GPR107: variants seen among roughly 807,000 people sequenced by gnomAD.
GPR107 encodes the protein protein GPR107.
A neutral mutation model predicts 75.5 loss-of-function variants in GPR107; 31 were observed. The ratio of observed to expected loss-of-function variants is 0.41; its 90% CI spans 0.31 to 0.55. GPR107 has a LOEUF of 0.55. Among genes scored for constraint, GPR107 ranks in the 20% least tolerant of loss-of-function variants. The pLI is 0.26. For synonymous variants in GPR107, 267 were observed against 251.3 expected (o/e 1.06, Z -0.59); for missense variants, 572 against 665.7 (o/e 0.86, Z 1.55).
At chr9:130,113,203 C>T (rs190721085) in intron 14 of GPR107, among the ~76,000 whole-genome samples, 33 of 150,476 alleles carry the variant, frequency 2.2e-4, no homozygotes, top group Admixed American at 1.5e-3. Flanking sequence ...TTGTGTTTAT[C>T]CCTGTCAGCC....
intron 5 of GPR107, among the ~76,000 whole-genome samples, chr9:130,082,581 G>A (rs571905203): frequency 6.7e-6 from 1 of 148,388 alleles, no homozygotes; most frequent in South Asian, 2.1e-4. Context: ...CCAGGTTCAC[G>A]CCATTCTCCT....
intron 14 of GPR107, among the ~76,000 whole-genome samples, 184 bp from the exon 15 acceptor site, chr9:130,124,731 A>AT (rs974208827): frequency 1.3e-5 from 2 of 152,104 alleles, no homozygotes. Context: ...CTGCTCCCAC[A>AT]TTTTTTCCTG....
intron 5 of GPR107, among the ~76,000 whole-genome samples, chr9:130,080,272 A>G (rs991448195): frequency 1.3e-5 from 2 of 152,114 alleles, no homozygotes; most frequent in East Asian, 1.9e-4. Context: ...CAGAATTGCA[A>G]TTTCTGGTTC....
At chr9:130,129,911 A>G (rs988369315) in intron 17 of GPR107, 1 of 152,272 alleles carries the variant, frequency 6.6e-6, no homozygotes, top group African/African-American at 2.4e-5. Flanking sequence ...TGTACTCCAC[A>G]GTCGTAATGG....
intron 1 of GPR107, among the ~76,000 whole-genome samples, chr9:130,062,518 C>T (rs1220089880): frequency 6.6e-6 from 1 of 151,504 alleles, no homozygotes; most frequent in Non-Finnish European, 1.5e-5. Flanking sequence ...TATTAAATAC[C>T]TACTATGTGC....
chr9:130,075,716 C>G lies in GPR107; in HGVS notation c.222C>G (p.Leu74=). ...DGYMVVNVSS[L]SLNEPEDKDV... ...ACATGGTGGTGAATGTCAGTAGCCT[C>G]TCACTGAATGAGCCTGAAGACAAGG... The change falls in exon 2 of 18, where the codon CTC becomes CTG. Residue 74 remains leucine, a synonymous_variant. Transcript: ENST00000347136. 1.9e-6 allele frequency: 3 copies of G among 1,596,234 alleles called. No individual in the cohort carries two copies. Among genetic ancestry groups the G allele is most frequent in the Non-Finnish European group, 2.6e-6 (3 of 1,163,976 alleles).
chr9:130,126,991 G>C (rs1394414049), intron 15 of GPR107, among the ~76,000 whole-genome samples: 1 of 152,208 alleles, frequency 6.6e-6, no homozygotes, highest in African/African-American at 2.4e-5. Flanking sequence ...AAGGCATCCT[G>C]TCTTGCTAGA....
intron 1 of GPR107, among the ~76,000 whole-genome samples, chr9:130,056,732 T>G (rs1829799067): frequency 6.6e-6 from 1 of 151,724 alleles, no homozygotes; most frequent in Admixed American, 6.6e-5. Flanking sequence ...GAGACCATCC[T>G]GGCTAACAAG....
intron 5 of GPR107, among the ~76,000 whole-genome samples, chr9:130,082,972 G>A (rs1191640332): frequency 6.6e-6 from 1 of 152,142 alleles, no homozygotes; most frequent in Non-Finnish European, 1.5e-5. Context: ...CCAGGCTGGA[G>A]TGCAGTGGTA....
In GPR107 at chr9:130,138,660, C is replaced by T. The variant is rs1407118909; in HGVS notation, c.*3539C>T. 1.3e-5 allele frequency: 2 copies of T among 151,858 alleles called. No homozygotes were observed. The highest frequency in any genetic ancestry group is 2.1e-4 in the South Asian group (1 of 4,810). 9.4% of individuals were successfully genotyped at this position (151,858 alleles called of 1,614,324 possible). A position where few individuals can be genotyped will look rare whatever the true frequency, so the allele number is the denominator to read the frequency against. ...CTTTGGTGCATTGCAGCGTTTTCTC[C>T]CAGCAGCTGTGTGAAAGATGCATTT... On this transcript the variant is annotated 3_prime_UTR_variant, in exon 18 of 18. Transcript: ENST00000347136.
rs1448125956 is a variant in GPR107 at position 130,139,420 on chromosome 9, C to T, written c.*4299C>T. The T allele has an allele frequency of 6.6e-6, 1 of 152,168 alleles. No individual in the cohort carries two copies. Among genetic ancestry groups the T allele is most frequent in the East Asian group, 1.9e-4 (1 of 5,196 alleles). 9.4% of individuals were successfully genotyped at this position (152,168 alleles called of 1,614,324 possible). ...GGCAGGCTGAACATACTCCAGATTC[C>T]CCAGAGGCCACTTCTGTAGCCCAGC... On this transcript the variant is annotated 3_prime_UTR_variant, in exon 18 of 18. Transcript: ENST00000347136.
chr9:130,138,591 C>CT lies in GPR107; in HGVS notation c.*3471dup, dbSNP rs2132669236. ...TTCTCTGCCATCTTTCTCCCCGTGC[C>CT]TATTGATCCCACATAGGCTCATTCT... is the stretch of plus-strand genomic sequence containing the variant. On this transcript the variant is annotated 3_prime_UTR_variant, in exon 18 of 18. Coordinates refer to ENST00000347136, the MANE Select transcript of GPR107 (RefSeq NM_020960.5). The CT allele has an allele frequency of 6.6e-6, 1 of 151,616 alleles. No homozygotes were observed. The highest frequency in any genetic ancestry group is 6.6e-5 in the Admixed American group (1 of 15,194). The allele number at this position is 151,616 out of a possible 1,614,324, so 9.4% of individuals were successfully genotyped here. A position where few individuals can be genotyped will look rare whatever the true frequency, so the allele number is the denominator to read the frequency against.
At chr9:130,097,707 G>T (rs1279131812) in intron 9 of GPR107, among the ~76,000 whole-genome samples, 2 of 142,452 alleles carry the variant, frequency 1.4e-5, no homozygotes, top group Non-Finnish European at 3.0e-5. Context: ...TGTATTCTTT[G>T]GGTTTTTTTT....
chr9:130,090,462 A>G (rs1830706148), intron 7 of GPR107, among the ~76,000 whole-genome samples: 1 of 117,702 alleles, frequency 8.5e-6, no homozygotes, highest in Non-Finnish European at 1.7e-5. Flanking sequence ...AGATAACCAC[A>G]TCTTAGGTTA....
intron 14 of GPR107, among the ~76,000 whole-genome samples, chr9:130,120,096 G>T (rs985865182): frequency 6.6e-6 from 1 of 152,218 alleles, no homozygotes; most frequent in Non-Finnish European, 1.5e-5. Flanking sequence ...GCATGAGCCA[G>T]CCTGCTGGGT....
rs369377614 is a variant in GPR107, at chr9:130,072,121, A to G, written c.142-3515A>G. On this transcript the variant is annotated intron_variant, in intron 1 of 17. Transcript: ENST00000347136. ...GTAGCTGGGATTACAGGCACACACC[A>G]CCACACCTGGCTAATTTTTGTATTT... is the stretch of plus-strand genomic sequence containing the variant. 4.1e-5 allele frequency among the ~76,000 whole-genome samples: 6 copies of G among 147,112 alleles called. No homozygotes were observed. The East Asian group carries it at 7.9e-4, about 19-fold the overall frequency.
intron 1 of GPR107, among the ~76,000 whole-genome samples, chr9:130,065,233 T>C (rs1830040886): frequency 6.6e-6 from 1 of 151,950 alleles, no homozygotes; most frequent in Non-Finnish European, 1.5e-5. Flanking sequence ...GGCAATCACC[T>C]GAGGTCAGGA....
At chr9:130,090,241 T>C (rs1830702540) in intron 7 of GPR107, among the ~76,000 whole-genome samples, 1 of 152,224 alleles carries the variant, frequency 6.6e-6, no homozygotes, top group Non-Finnish European at 1.5e-5. Flanking sequence ...GTCTTTTGGT[T>C]TACATTAAAC....
At chr9:130,081,531 G>A (rs1830492620) in intron 5 of GPR107, among the ~76,000 whole-genome samples, 1 of 151,566 alleles carries the variant, frequency 6.6e-6, no homozygotes, top group African/African-American at 2.4e-5. Context: ...AAATTAGCCG[G>A]GCATGGTGGC....
Sources: gnomAD v4.1 joint callset for allele counts (sites outside exome capture counted in the v4.1 genomes callset) on GRCh38, gnomAD v4.1.1 for gene constraint, MANE v1.5 for transcripts, NCBI Gene and HGNC (gene_info 2026-07-23, HGNC 2026-07-21) for gene names.